Variants in C11orf97 observed in about 807,000 individuals in gnomAD.
C11orf97 encodes chromosome 11 open reading frame 97.
Under a neutral mutation model 16.2 loss-of-function variants are expected in C11orf97, and 15 were observed. That is an observed-to-expected ratio of 0.93 (90% CI 0.62 to 1.43). C11orf97 has a LOEUF of 1.43. Ranked by LOEUF, C11orf97 falls within the 40% of genes most tolerant of loss-of-function variation. The pLI is 0.00. For synonymous variants in C11orf97, 61 were observed against 65.7 expected, an observed-to-expected ratio of 0.93 and a Z score of 0.34; for missense variants, 171 against 161.2, an observed-to-expected ratio of 1.06 and a Z score of -0.33.
chr11:94,531,484 A>T (rs532497529), intron 3 of C11orf97, among the ~76,000 whole-genome samples: 1 of 145,346 alleles, frequency 6.9e-6, no homozygotes, highest in South Asian at 2.2e-4. Flanking sequence ...ATGACAAAAA[A>T]CCTTTTATCG....
intron 3 of C11orf97, 39 bp downstream of exon 3, chr11:94,528,248 G>A: frequency 6.6e-7 from 1 of 1,508,676 alleles, no homozygotes; most frequent in Non-Finnish European, 8.8e-7. Context: ...TGAAGCCCCT[G>A]AGGGGACTTT....
At position 94,519,223 on chromosome 11, in the gene C11orf97, A is replaced by G. The variant is rs573525733; in HGVS notation, c.250+1536A>G. ...ACGCCCGGCCCCACTTTACATTTCT[A>G]AAGCAGACATAGAAACTCCTTTGGG... On this transcript the variant is annotated intron_variant, in intron 2 of 3. Coordinates refer to ENST00000542198, the MANE Select transcript of C11orf97 (RefSeq NM_001190462.2). 2.0e-5 allele frequency among the ~76,000 whole-genome samples: 3 copies of G among 152,256 alleles called. No individual in the cohort carries two copies. The South Asian group carries it at 6.2e-4, about 32-fold the overall frequency.
intron 2 of C11orf97, among the ~76,000 whole-genome samples, chr11:94,524,256 G>T (rs1027176024): frequency 6.6e-6 from 1 of 152,004 alleles, no homozygotes; most frequent in African/African-American, 2.4e-5. Context: ...AGGCTCAGGG[G>T]GATGCAGTGA....
At chr11:94,518,046 G>T (rs1433247328) in intron 2 of C11orf97, among the ~76,000 whole-genome samples, 3 of 151,454 alleles carry the variant, frequency 2.0e-5, no homozygotes, top group African/African-American at 7.3e-5. Flanking sequence ...CTACTCGGGA[G>T]GCTGAGGCAG....
chr11:94,514,793 C>T (rs569062315), intron 1 of C11orf97, among the ~76,000 whole-genome samples: 1 of 152,058 alleles, frequency 6.6e-6, no homozygotes, highest in East Asian at 1.9e-4. Context: ...CACAGGCATG[C>T]ACCATCACGC....
Position 94,529,206 on chromosome 11 carries a change from G to A in C11orf97, c.376+997G>A, listed in dbSNP as rs115187515. Among the ~76,000 whole-genome samples, 401 of 152,284 alleles carry A rather than the reference G, an allele frequency of 2.6e-3. 2 individuals are homozygous for A. Among genetic ancestry groups the A allele is most frequent in the African/African-American group, 8.1e-3 (337 of 41,562 alleles). On this transcript the variant is annotated intron_variant, in intron 3 of 3. Transcript: ENST00000542198. ...ACACTACTGCATCTCTGAGCCAAGT[G>A]CCCACGAGCTAGGATGTCTATTGGA...
intron 2 of C11orf97, among the ~76,000 whole-genome samples, chr11:94,519,716 C>A (rs1353929723): frequency 6.6e-6 from 1 of 152,224 alleles, no homozygotes; most frequent in Non-Finnish European, 1.5e-5. Flanking sequence ...CTAGAAAAAT[C>A]TTTCAATGCG....
intron 2 of C11orf97, among the ~76,000 whole-genome samples, chr11:94,523,656 T>C (rs1947677107): frequency 6.6e-6 from 1 of 152,172 alleles, no homozygotes; most frequent in African/African-American, 2.4e-5. Flanking sequence ...CTGAATGAAA[T>C]TGGTAAAAAA....
intron 3 of C11orf97, among the ~76,000 whole-genome samples, chr11:94,530,428 T>G (rs963820846): frequency 1.4e-4 from 21 of 152,336 alleles, no homozygotes; most frequent in Admixed American, 1.4e-3. Flanking sequence ...AATTAAACCT[T>G]TCTCATTATC....
intron 2 of C11orf97, among the ~76,000 whole-genome samples, chr11:94,522,304 G>A (rs1947663395): frequency 6.6e-6 from 1 of 152,184 alleles, no homozygotes; most frequent in Admixed American, 6.5e-5. Context: ...AGGAGGCTGA[G>A]ACGGGCGTAT....
rs188400491 is a variant in C11orf97 at position 94,529,982 on chromosome 11, A to G, written c.376+1773A>G. Among the ~76,000 whole-genome samples, 24 of 152,310 alleles carry G rather than the reference A, an allele frequency of 1.6e-4. No individual in the cohort carries two copies. The East Asian group carries it at 4.4e-3, about 28-fold the overall frequency. On this transcript the variant is annotated intron_variant, in intron 3 of 3. Transcript: ENST00000542198. ...TCCATCATTCCAAGAAAACTCACTA[A>G]GTAATTTGTTTTAAAGATGAATGGT...
intron 2 of C11orf97, among the ~76,000 whole-genome samples, chr11:94,524,002 T>G (rs549739403): frequency 1.3e-5 from 2 of 152,276 alleles, no homozygotes; most frequent in East Asian, 3.9e-4. Context: ...CCTTGTAGGC[T>G]CCTGATGTGT....
intron 1 of C11orf97, among the ~76,000 whole-genome samples, chr11:94,516,988 A>C (rs546115354): frequency 3.9e-5 from 6 of 152,190 alleles, no homozygotes; most frequent in African/African-American, 7.2e-5. Context: ...CATTTCTGAG[A>C]AGAAATGTAG....
intron 2 of C11orf97, among the ~76,000 whole-genome samples, chr11:94,526,181 T>C (rs1947699055): frequency 6.6e-6 from 1 of 152,188 alleles, no homozygotes. Flanking sequence ...AAAGTTTCTC[T>C]TAAAAGAAGC....
intron 2 of C11orf97, among the ~76,000 whole-genome samples, chr11:94,522,716 A>T (rs760531785): frequency 4.6e-5 from 7 of 152,162 alleles, no homozygotes; most frequent in Non-Finnish European, 1.0e-4. Context: ...GGGGTACCTT[A>T]GTTTGGCTCA....
At chr11:94,523,755 G>C (rs1482820347) in intron 2 of C11orf97, among the ~76,000 whole-genome samples, 1 of 152,184 alleles carries the variant, frequency 6.6e-6, no homozygotes, top group Non-Finnish European at 1.5e-5. Flanking sequence ...ATAGCTAGCG[G>C]GACACAGGAG....
intron 2 of C11orf97, among the ~76,000 whole-genome samples, chr11:94,518,870 T>A (rs1947634804): frequency 6.6e-6 from 1 of 152,108 alleles, no homozygotes; most frequent in South Asian, 2.1e-4. Context: ...GGCCCAGAAG[T>A]CCATCATTTC....
chr11:94,518,288 A>G (rs1349874717), intron 2 of C11orf97, among the ~76,000 whole-genome samples: 3 of 152,146 alleles, frequency 2.0e-5, no homozygotes, highest in Admixed American at 6.5e-5. Context: ...ATCTTTATCA[A>G]TATAGGTATG....
At chr11:94,518,066 G>A (rs760205008) in intron 2 of C11orf97, among the ~76,000 whole-genome samples, 8 of 149,158 alleles carry the variant, frequency 5.4e-5, no homozygotes, top group East Asian at 2.0e-4. Flanking sequence ...GAAGAATGGC[G>A]TGAACCGGGA....
Sources: gnomAD v4.1 joint callset for allele counts (sites outside exome capture counted in the v4.1 genomes callset) on GRCh38, gnomAD v4.1.1 for gene constraint, MANE v1.5 for transcripts, NCBI Gene and HGNC (gene_info 2026-07-23, HGNC 2026-07-21) for gene names.